Variants in PRPF39 observed in about 807,000 individuals in gnomAD.
PRPF39 encodes pre-mRNA-processing factor 39.
In PRPF39, 27 loss-of-function variants were observed where a neutral mutation model predicts 82.1. The observed-to-expected ratio is 0.33, with a 90% CI of 0.24 to 0.45. The LOEUF (loss-of-function observed/expected upper bound fraction) is 0.45, where lower values mean the gene tolerates loss of function less well. Among genes scored for constraint, PRPF39 ranks in the 20% least tolerant of loss-of-function variants. The pLI, the probability that PRPF39 is intolerant of heterozygous loss-of-function variation, is 1.00. For missense variants in PRPF39, 581 were observed against 796.9 expected, an observed-to-expected ratio of 0.73 and a Z score of 3.26; for synonymous variants, 261 against 256.4, an observed-to-expected ratio of 1.02 and a Z score of -0.17.
chr14:45,105,525 CTT>C (rs201816309), intron 5 of PRPF39, among the ~76,000 whole-genome samples: 15 of 133,436 alleles, frequency 1.1e-4, no homozygotes, highest in South Asian at 2.4e-4. Context: ...TATTTATATA[CTT>C]TTTTTTTTTT....
At chr14:45,090,095 C>A (rs1270276844) in intron 1 of PRPF39, among the ~76,000 whole-genome samples, 1 of 152,170 alleles carries the variant, frequency 6.6e-6, no homozygotes, top group Non-Finnish European at 1.5e-5. Context: ...AGCCTACAGT[C>A]TTTTTTGTAT....
chr14:45,086,515 G>A (rs931803124), intron 1 of PRPF39, among the ~76,000 whole-genome samples: 1 of 152,158 alleles, frequency 6.6e-6, no homozygotes, highest in African/African-American at 2.4e-5. Flanking sequence ...TTGAAAAAGG[G>A]AGGACTTTTA....
At chr14:45,108,014 C>A (rs971943008) in intron 6 of PRPF39, among the ~76,000 whole-genome samples, 11 of 152,112 alleles carry the variant, frequency 7.2e-5, no homozygotes, top group Non-Finnish European at 2.9e-5. Flanking sequence ...ACTTATATAA[C>A]TGGCCATTTA....
chr14:45,102,121 A>G (rs975872574), intron 4 of PRPF39, among the ~76,000 whole-genome samples: 1 of 152,106 alleles, frequency 6.6e-6, no homozygotes, highest in Admixed American at 6.5e-5. Context: ...CCATTTCACC[A>G]TGCCTCATGA....
At chr14:45,105,689 G>A (rs1884508224) in intron 5 of PRPF39, among the ~76,000 whole-genome samples, 1 of 151,806 alleles carries the variant, frequency 6.6e-6, no homozygotes, top group South Asian at 2.1e-4. Context: ...CCGACACGGA[G>A]CTAATTTTTG....
At chr14:45,099,812 G>A (rs1462062389) in intron 4 of PRPF39, among the ~76,000 whole-genome samples, 1 of 152,050 alleles carries the variant, frequency 6.6e-6, no homozygotes, top group East Asian at 1.9e-4. Flanking sequence ...TCCAATTCTT[G>A]TTTCATGGCT....
At chr14:45,093,852 G>C (rs1003857114) in intron 1 of PRPF39, among the ~76,000 whole-genome samples, 1 of 152,160 alleles carries the variant, frequency 6.6e-6, no homozygotes, top group Non-Finnish European at 1.5e-5. Context: ...ACCACGCCCG[G>C]CCAAAGCAGT....
intron 1 of PRPF39, among the ~76,000 whole-genome samples, chr14:45,094,425 G>C (rs1480984093): frequency 6.6e-6 from 1 of 152,002 alleles, no homozygotes; most frequent in African/African-American, 2.4e-5. Flanking sequence ...TTAGAGGTAG[G>C]GTCGTGCTCT....
At position 45,096,962 on chromosome 14, in the gene PRPF39, A is replaced by G. The variant is rs1265778880; in HGVS notation, c.526A>G (p.Thr176Ala). 6.4e-7 allele frequency: 1 copy of G among 1,554,134 alleles called. No individual in the cohort carries two copies. The change falls in exon 4 of 14, where the codon ACA (threonine) becomes GCA (alanine). Residue 176 changes from threonine (T) to alanine (A), a missense_variant. Coordinates refer to ENST00000355765, the MANE Select transcript of PRPF39 (RefSeq NM_017922.4). ...WIHYINFLKE[T>A]LDPGDPETNN... is the part of the protein sequence containing the mutation. ...ACATTATATAAACTTCTTAAAAGAA[A>G]CATTGGACCCTGGTGATCCTGAGAC...
rs762376054 is a variant in PRPF39 at position 45,116,245 on chromosome 14, G to T, written c.*1332G>T. On this transcript the variant is annotated 3_prime_UTR_variant, in exon 14 of 14. Coordinates refer to ENST00000355765, the MANE Select transcript of PRPF39 (RefSeq NM_017922.4). ...ACTTCAAAAGTGAGTTTTGCATTTG[G>T]TGGAATTCTGTTGAAGAAGTCAAGG... 6.2e-7 allele frequency: 1 copy of T among 1,612,246 alleles called. No homozygotes were observed. The highest frequency in any genetic ancestry group is 1.1e-5 in the South Asian group (1 of 91,022).
At chr14:45,092,320 C>T (rs748801252) in intron 1 of PRPF39, among the ~76,000 whole-genome samples, 16 of 152,194 alleles carry the variant, frequency 1.1e-4, no homozygotes, top group South Asian at 2.1e-4. Context: ...TTGTCAGCAT[C>T]GGCTGTGCAC....
In PRPF39 at chr14:45,110,593, T is replaced by C; in HGVS notation, c.1348T>C (p.Cys450Arg). Residue 450 changes from cysteine (C) to arginine (R), a missense_variant, in exon 10 of 14, where the codon TGT (cysteine) becomes CGT (arginine). Transcript: ENST00000355765. The surrounding 1 kb of genome is among the most constrained non-coding windows in gnomAD (Gnocchi z 4.0). ...ARNILKTFEE[C>R]VLGLAMVRLR... ...GAATATCTTGAAAACATTTGAAGAA[T>C]GTGTTCTAGGATTGGCAATGGTTCG... 1 of 1,568,164 alleles carries C rather than the reference T, an allele frequency of 6.4e-7. No individual in the cohort carries two copies. The highest frequency in any genetic ancestry group is 8.7e-7 in the Non-Finnish European group (1 of 1,154,960).
At chr14:45,105,464 G>A (rs1451571136) in intron 5 of PRPF39, among the ~76,000 whole-genome samples, 3 of 149,138 alleles carry the variant, frequency 2.0e-5, no homozygotes, top group African/African-American at 4.9e-5. Flanking sequence ...GAAATGGGCC[G>A]TTAGCCTCTG....
intron 4 of PRPF39, among the ~76,000 whole-genome samples, chr14:45,097,349 A>C (rs1884234173): frequency 6.6e-6 from 1 of 151,808 alleles, no homozygotes; most frequent in Admixed American, 6.6e-5. Context: ...CATATTTTTT[A>C]ACAATTACAA....
intron 6 of PRPF39, 136 bp from the exon 7 acceptor site, chr14:45,108,279 A>T: frequency 9.9e-7 from 1 of 1,006,016 alleles, no homozygotes; most frequent in Non-Finnish European, 1.3e-6. Context: ...TTTTGCACAT[A>T]ATTGCCAACA....
At chr14:45,113,460 T>C (rs1369257797) in intron 11 of PRPF39, among the ~76,000 whole-genome samples, 1 of 152,178 alleles carries the variant, frequency 6.6e-6, no homozygotes, top group African/African-American at 2.4e-5. Context: ...TATTATCACA[T>C]TGTGGAGCGA....
chr14:45,112,287 G>T (rs1362091994), intron 10 of PRPF39, 31 bp from the exon 11 acceptor site: 3 of 1,504,206 alleles, frequency 2.0e-6, no homozygotes, highest in South Asian at 2.6e-5. Flanking sequence ...AAATATTTTA[G>T]AAATATTCAT....
intron 4 of PRPF39, among the ~76,000 whole-genome samples, chr14:45,098,569 T>G (rs1884274726): frequency 6.6e-6 from 1 of 152,234 alleles, no homozygotes. Context: ...TTTTCCCGTT[T>G]GTCTAATTTT....
rs766936750 is a variant in PRPF39, at chr14:45,110,177, A to G, written c.1260A>G (p.Lys420=). 2 of 1,613,780 alleles carry G rather than the reference A, an allele frequency of 1.2e-6. No individual in the cohort carries two copies. Among genetic ancestry groups the G allele is most frequent in the East Asian group, 2.2e-5 (1 of 44,870 alleles). Residue 420 remains lysine (K), a synonymous_variant, in exon 9 of 14, where the codon AAA becomes AAG. Coordinates refer to ENST00000355765, the MANE Select transcript of PRPF39 (RefSeq NM_017922.4). The surrounding 1 kb of genome is among the most constrained non-coding windows in gnomAD (Gnocchi z 4.0). ...SRACTIHLPK[K]PMVHMLWAAF... is the part of the protein sequence containing the mutation. The stretch of plus-strand genomic sequence containing the variant: ...CTTGTACTATACATCTCCCAAAGAA[A>G]CCCATGGTGCATATGCTTTGGGCAG...
Sources: allele counts gnomAD v4.1 joint callset (sites outside exome capture counted in the v4.1 genomes callset), GRCh38; gene constraint gnomAD v4.1.1; non-coding constraint Gnocchi (gnomAD v3.1); transcripts MANE v1.5; gene names NCBI Gene and HGNC (gene_info 2026-07-23, HGNC 2026-07-21).